SMARCC1: variants seen among roughly 807,000 people sequenced by gnomAD.
SMARCC1 encodes the protein SWI/SNF related BAF chromatin remodeling complex subunit C1.
SMARCC1 carries 43 observed loss-of-function variants against 147.4 expected under a neutral mutation model. The observed-to-expected ratio is 0.29, with a 90% CI of 0.23 to 0.38. SMARCC1 has a LOEUF of 0.38. SMARCC1 is among the 10% of genes least tolerant of loss of function. SMARCC1 has a pLI of 1.00. For synonymous variants in SMARCC1, 495 were observed against 484.4 expected (o/e 1.02, Z -0.29); for missense variants, 1,119 against 1,381.1 (o/e 0.81, Z 3.01).
In SMARCC1 at chr3:47,714,504, A is replaced by G. The variant is rs1020386846; in HGVS notation, c.717-14T>C. 1.4e-5 allele frequency: 18 copies of G among 1,319,766 alleles called. No individual in the cohort carries two copies. The highest frequency in any genetic ancestry group is 1.7e-5 in the Non-Finnish European group (16 of 938,662). The allele number at this position is 1,319,766 out of a possible 1,614,324, so 81.8% of individuals were successfully genotyped here. On this transcript the variant is annotated splice_polypyrimidine_tract_variant and intron_variant, in intron 7 of 27. Transcript: ENST00000254480. ...CAAGTATCATAGCTATAAAGGAATC[A>G]AAATGAGAAAAACAAATTAGAGTCA...
intron 9 of SMARCC1, among the ~76,000 whole-genome samples, chr3:47,708,387 T>C (rs1440382553): frequency 1.3e-5 from 2 of 151,946 alleles, no homozygotes; most frequent in African/African-American, 4.8e-5. Context: ...GCACTCCACC[T>C]ACCCTGGCCT....
At chr3:47,720,540 A>G (rs12495204) in intron 7 of SMARCC1, 126 bp downstream of exon 7, 461,531 of 709,104 alleles carry the variant, frequency 0.65, 153,361 homozygotes, top group East Asian at 0.72. Flanking sequence ...AAAAGACTCC[A>G]TAAGTGAGAA....
chr3:47,714,550 CTT>C (rs1372664238), intron 7 of SMARCC1, 60 bp from the exon 8 acceptor site: 3 of 843,584 alleles, frequency 3.6e-6, no homozygotes, highest in Non-Finnish European at 5.8e-6. Context: ...ATTAGAAAGA[CTT>C]TTACAAATAA....
chr3:47,730,969 A>T (rs948651832), intron 5 of SMARCC1, among the ~76,000 whole-genome samples: 2 of 152,122 alleles, frequency 1.3e-5, no homozygotes, highest in African/African-American at 4.8e-5. Flanking sequence ...TGACTGATCA[A>T]GGTGGTGGTT....
At chr3:47,700,811 C>T (rs1387564829) in intron 11 of SMARCC1, among the ~76,000 whole-genome samples, 2 of 152,148 alleles carry the variant, frequency 1.3e-5, no homozygotes, top group Non-Finnish European at 2.9e-5. Context: ...AGGTATAAGC[C>T]ACCATGCCCA....
rs781579885 is a variant in SMARCC1 at position 47,680,513 on chromosome 3, AAAG to A, written c.1386-8_1386-6del. 1.3e-5 allele frequency: 21 copies of A among 1,559,152 alleles called. No homozygotes were observed. The Middle Eastern group carries it at 5.1e-4, about 38-fold the overall frequency. On this transcript the variant is annotated splice_polypyrimidine_tract_variant and splice_region_variant and intron_variant, in intron 14 of 27. Coordinates refer to ENST00000254480, the MANE Select transcript of SMARCC1 (RefSeq NM_003074.4). ...CGCCGTTCAATCACATGAATACTGA[AAAG>A]AAGAAGAAAAAAAGATTTAGGAGTG...
At position 47,661,295 on chromosome 3, in the gene SMARCC1, A is replaced by G. The variant is rs2033343474; in HGVS notation, c.2319T>C (p.Leu773=). The G allele has an allele frequency of 1.2e-6, 2 of 1,604,444 alleles. No homozygotes were observed. Among genetic ancestry groups the G allele is most frequent in the Non-Finnish European group, 1.7e-6 (2 of 1,177,188 alleles). The part of the protein sequence containing the change: ...AGTGPDEPEK[L]EGAEEEKMEA... ...CCCTTAAAAGCAGCAGTGACTCACC[A>G]AGCTTCTCTGGCTCATCGGGCCCTG... is the stretch of plus-strand genomic sequence containing the variant. The change falls in exon 21 of 28, where the codon CTT becomes CTC. Residue 773 remains leucine (L), a splice_region_variant and synonymous_variant. Transcript: ENST00000254480.
At chr3:47,619,635 A>G (rs2032698346) in intron 25 of SMARCC1, among the ~76,000 whole-genome samples, 1 of 152,238 alleles carries the variant, frequency 6.6e-6, no homozygotes, top group African/African-American at 2.4e-5. Context: ...GACAGAGATG[A>G]AACCCAGGTC....
intron 8 of SMARCC1, among the ~76,000 whole-genome samples, chr3:47,711,236 T>G (rs2034081465): frequency 6.6e-6 from 1 of 152,204 alleles, no homozygotes. Context: ...CCCCATCATG[T>G]ACACATGGTG....
chr3:47,682,490 C>T (rs1321111321), intron 14 of SMARCC1, among the ~76,000 whole-genome samples: 2 of 152,058 alleles, frequency 1.3e-5, no homozygotes, highest in African/African-American at 4.8e-5. Context: ...TGTTTGGGCT[C>T]AAGCGACCCA....
chr3:47,597,442 G>A (rs983929187), intron 26 of SMARCC1, among the ~76,000 whole-genome samples: 3 of 151,896 alleles, frequency 2.0e-5, no homozygotes, highest in African/African-American at 4.8e-5. Flanking sequence ...TTCTCCTGCC[G>A]CAGCCTCCCG....
chr3:47,679,982 T>G (rs375809171), intron 15 of SMARCC1, among the ~76,000 whole-genome samples: 7 of 151,894 alleles, frequency 4.6e-5, no homozygotes, highest in South Asian at 4.2e-4. Flanking sequence ...TGCATATAGT[T>G]CAAGGTTTAG....
At chr3:47,724,199 C>T (rs891402957) in intron 6 of SMARCC1, among the ~76,000 whole-genome samples, 10 of 152,310 alleles carry the variant, frequency 6.6e-5, no homozygotes, top group South Asian at 2.1e-4. Context: ...TGAAGAGATA[C>T]TTGCACACCC....
intron 26 of SMARCC1, among the ~76,000 whole-genome samples, chr3:47,600,937 C>A (rs1298664116): frequency 7.1e-6 from 1 of 141,582 alleles, no homozygotes; most frequent in African/African-American, 2.6e-5. Flanking sequence ...GGATGTATGT[C>A]TTTTCCATTA....
intron 2 of SMARCC1, among the ~76,000 whole-genome samples, chr3:47,771,237 A>T (rs2034911351): frequency 6.6e-6 from 1 of 152,120 alleles, no homozygotes; most frequent in African/African-American, 2.4e-5. Context: ...ATTATATTTG[A>T]AAGATCAGTA....
At chr3:47,596,082 C>CAAAACA (rs71619688) in intron 26 of SMARCC1, among the ~76,000 whole-genome samples, 3 of 149,210 alleles carry the variant, frequency 2.0e-5, no homozygotes, top group Admixed American at 1.3e-4. Flanking sequence ...CAAAACAAAA[C>CAAAACA]AAAACTGCTG....
chr3:47,701,651 T>C (rs1427111540), intron 10 of SMARCC1: 25 of 389,800 alleles, frequency 6.4e-5, no homozygotes, highest in Non-Finnish European at 1.1e-4. Flanking sequence ...CCGTCTCTAC[T>C]GAAAATACAA....
At chr3:47,653,208 C>T (rs1426372532) in intron 21 of SMARCC1, among the ~76,000 whole-genome samples, 1 of 152,200 alleles carries the variant, frequency 6.6e-6, no homozygotes, top group African/African-American at 2.4e-5. Flanking sequence ...CCACCCGCCT[C>T]GGCCTCCCAA....
At chr3:47,651,073 G>C (rs904518494) in intron 21 of SMARCC1, among the ~76,000 whole-genome samples, 7 of 152,156 alleles carry the variant, frequency 4.6e-5, no homozygotes, top group Admixed American at 2.0e-4. Flanking sequence ...GGGACGCTAA[G>C]GCAGGCAGAT....
Sources: gnomAD v4.1 joint callset for allele counts (sites outside exome capture counted in the v4.1 genomes callset) on GRCh38, gnomAD v4.1.1 for gene constraint, MANE v1.5 for transcripts, NCBI Gene and HGNC (gene_info 2026-07-23, HGNC 2026-07-21) for gene names.